TNS3: variants seen among roughly 807,000 people sequenced by gnomAD.
The protein encoded by TNS3 is tensin-3.
TNS3 carries 45 observed loss-of-function variants against 140.9 expected under a neutral mutation model. The ratio of observed to expected loss-of-function variants is 0.32; its 90% CI spans 0.25 to 0.41. TNS3 has a LOEUF of 0.41. Ranked by LOEUF, TNS3 falls within the 10% of genes least tolerant of loss-of-function variation. The probability of loss-of-function intolerance (pLI) is 1.00; values close to 1 mark genes in which losing one functional copy is unlikely to be tolerated. For missense variants in TNS3, 1,716 were observed against 1,906.7 expected, an observed-to-expected ratio of 0.90 and a Z score of 1.86; for synonymous variants, 815 against 788.4, an observed-to-expected ratio of 1.03 and a Z score of -0.56.
chr7:47,305,334 C>T (rs779473710), intron 20 of TNS3, among the ~76,000 whole-genome samples: 1 of 152,252 alleles, frequency 6.6e-6, no homozygotes, highest in Non-Finnish European at 1.5e-5. Context: ...CCAGCCCCAT[C>T]CCCCACAAAG....
intron 30 of TNS3, 34 bp downstream of exon 30, chr7:47,280,130 A>T: frequency 6.2e-7 from 1 of 1,613,702 alleles, no homozygotes; most frequent in Non-Finnish European, 8.5e-7. Context: ...AACTGCAGAC[A>T]AGGAGAGAAT....
intron 17 of TNS3, among the ~76,000 whole-genome samples, chr7:47,350,477 ACAGTTTT>A (rs1399962792): frequency 6.6e-6 from 1 of 152,190 alleles, no homozygotes; most frequent in Non-Finnish European, 1.5e-5. Context: ...GGAAGGAGGG[ACAGTTTT>A]CAAGTTCTTC....
intron 4 of TNS3, among the ~76,000 whole-genome samples, chr7:47,460,105 C>T (rs1226167438): frequency 2.0e-5 from 3 of 150,102 alleles, no homozygotes; most frequent in East Asian, 2.0e-4. Context: ...CCCAGCTACT[C>T]GGGAGGCTGA....
chr7:47,396,738 G>A (rs1792852015), intron 16 of TNS3, 62 bp downstream of exon 16: 6 of 1,350,094 alleles, frequency 4.4e-6, no homozygotes, highest in Non-Finnish European at 6.4e-6. Flanking sequence ...TCAGATATTT[G>A]AGTGGGCTGT....
At chr7:47,521,881 G>C (rs981018347) in intron 2 of TNS3, among the ~76,000 whole-genome samples, 3 of 152,142 alleles carry the variant, frequency 2.0e-5, no homozygotes, top group African/African-American at 7.2e-5. Context: ...AACAGGAGAG[G>C]AGCGGAGAGG....
chr7:47,494,197 C>G (rs904138826), intron 3 of TNS3, among the ~76,000 whole-genome samples: 1 of 152,164 alleles, frequency 6.6e-6, no homozygotes, highest in Non-Finnish European at 1.5e-5. Flanking sequence ...ACTCACAAGC[C>G]GTGCCTCTGA....
intron 3 of TNS3, among the ~76,000 whole-genome samples, chr7:47,495,960 G>T (rs748776975): frequency 5.9e-5 from 9 of 152,128 alleles, no homozygotes; most frequent in Admixed American, 1.3e-4. Flanking sequence ...TTTCTAACCT[G>T]GACAGAGCCA....
In TNS3 at chr7:47,304,899, A is replaced by T; in HGVS notation, c.2755T>A (p.Ser919Thr). ...MLRADASSTP[S>T]FQQAFASSCT... ...GAAGAAGCAAAAGCCTGCTGAAAGG[A>T]GGGCGTCGAGGACGCATCAGCCCGG... Residue 919 changes from serine to threonine, a missense_variant, in exon 21 of 31, where the codon TCC becomes ACC. This residue lies in a region of TNS3 where 1,163 missense variants were observed against 1,182.1 expected (regional missense o/e 0.98). Transcript: ENST00000311160. The T allele has an allele frequency of 7.0e-7, 1 of 1,424,628 alleles. No homozygotes were observed. Among genetic ancestry groups the T allele is most frequent in the Non-Finnish European group, 9.3e-7 (1 of 1,076,312 alleles). 88.2% of individuals were successfully genotyped at this position (1,424,628 alleles called of 1,614,324 possible).
At chr7:47,537,031 TGGCGCC>T (rs1244207793) in intron 1 of TNS3, among the ~76,000 whole-genome samples, 4 of 149,558 alleles carry the variant, frequency 2.7e-5, no homozygotes, top group African/African-American at 4.9e-5. Context: ...CGCACTCACC[TGGCGCC>T]GGCGCCGGCG....
chr7:47,414,345 T>G (rs1793956083), intron 11 of TNS3, among the ~76,000 whole-genome samples: 1 of 152,148 alleles, frequency 6.6e-6, no homozygotes, highest in African/African-American at 2.4e-5. Flanking sequence ...AATAGAAACC[T>G]CTGAGCAAGC....
At chr7:47,547,151 G>A (rs1799943535) in intron 1 of TNS3, among the ~76,000 whole-genome samples, 1 of 152,210 alleles carries the variant, frequency 6.6e-6, no homozygotes, top group African/African-American at 2.4e-5. Flanking sequence ...GGACCCTCCA[G>A]GGTGAGGAGG....
intron 1 of TNS3, among the ~76,000 whole-genome samples, chr7:47,573,960 G>C (rs938260445): frequency 1.3e-5 from 2 of 152,050 alleles, no homozygotes; most frequent in Non-Finnish European, 2.9e-5. Context: ...GCATTATGGG[G>C]AGGGCATTAT....
chr7:47,283,957 G>A, intron 27 of TNS3, 92 bp from the exon 28 acceptor site: 3 of 1,278,526 alleles, frequency 2.3e-6, no homozygotes, highest in East Asian at 2.6e-5. Flanking sequence ...GTGCAGACTG[G>A]GTTTATGAAC....
intron 3 of TNS3, among the ~76,000 whole-genome samples, chr7:47,505,467 G>A (rs1184880703): frequency 6.6e-6 from 1 of 152,226 alleles, no homozygotes; most frequent in African/African-American, 2.4e-5. Flanking sequence ...TGGAAAGCAA[G>A]AGGAGAAGCG....
intron 3 of TNS3, among the ~76,000 whole-genome samples, chr7:47,494,439 A>G (rs1250147681): frequency 6.6e-6 from 1 of 152,216 alleles, no homozygotes; most frequent in Non-Finnish European, 1.5e-5. Flanking sequence ...CTGAAAGCAG[A>G]ATTTCTCACA....
At chr7:47,340,999 AT>A (rs1408386094) in intron 20 of TNS3, among the ~76,000 whole-genome samples, 1 of 152,176 alleles carries the variant, frequency 6.6e-6, no homozygotes, top group Non-Finnish European at 1.5e-5. Context: ...ATTGACTGAT[AT>A]AGTCGTGAGC....
At chr7:47,474,129 C>CAT (rs2151752982) in intron 4 of TNS3, among the ~76,000 whole-genome samples, 1 of 151,200 alleles carries the variant, frequency 6.6e-6, no homozygotes, top group Admixed American at 6.6e-5. Flanking sequence ...CACACACACA[C>CAT]ACACACACAC....
chr7:47,472,388 T>C (rs1796991776), intron 4 of TNS3, among the ~76,000 whole-genome samples: 1 of 152,230 alleles, frequency 6.6e-6, no homozygotes, highest in Non-Finnish European at 1.5e-5. Context: ...CGTCGTTTCC[T>C]TACCTGCAAG....
At chr7:47,351,217 C>T (rs942574103) in intron 17 of TNS3, among the ~76,000 whole-genome samples, 14 of 152,146 alleles carry the variant, frequency 9.2e-5, no homozygotes, top group African/African-American at 3.1e-4. Flanking sequence ...CTGTATTCTC[C>T]CAAACTCACG....
Sources: allele counts gnomAD v4.1 joint callset (sites outside exome capture counted in the v4.1 genomes callset), GRCh38; gene constraint gnomAD v4.1.1; regional missense constraint gnomAD v4.1.1; transcripts MANE v1.5; gene names NCBI Gene and HGNC (gene_info 2026-07-23, HGNC 2026-07-21).